Variants in DGKK observed in about 807,000 individuals in gnomAD.
DGKK encodes diacylglycerol kinase kappa, also known as 142 kDa diacylglycerol kinase.
DGKK carries 35 observed loss-of-function variants against 92.2 expected under a neutral mutation model. The observed-to-expected ratio is 0.38, with a 90% CI of 0.29 to 0.50. DGKK has a LOEUF of 0.50. Among genes scored for constraint, DGKK ranks in the 20% least tolerant of loss-of-function variants. The pLI is 0.92. For synonymous variants in DGKK, 368 were observed against 360.6 expected (o/e 1.02, Z -0.23); for missense variants, 910 against 992.2 (o/e 0.92, Z 1.11).
intron 22 of DGKK, 115 bp downstream of exon 22, chrX:50,377,983 T>G (rs782676342): frequency 9.0e-5 from 83 of 924,848 alleles, no homozygotes; most frequent in Non-Finnish European, 1.0e-4. Flanking sequence ...GTGACTCTGA[T>G]GCCAGGGGCA....
intron 4 of DGKK, among the ~76,000 whole-genome samples, chrX:50,417,313 T>A (rs1159826217): frequency 9.1e-6 from 1 of 110,215 alleles, no homozygotes; most frequent in Non-Finnish European, 1.9e-5. Context: ...TTTAGAGCTT[T>A]AGGAACATTA....
At chrX:50,413,231 C>T (rs1401126285) in intron 4 of DGKK, among the ~76,000 whole-genome samples, 10 of 111,372 alleles carry the variant, frequency 9.0e-5, no homozygotes, top group African/African-American at 2.9e-4. Flanking sequence ...AAAGACTTAA[C>T]TGTAAAAGCT....
chrX:50,465,275 T>C (rs782022307), intron 1 of DGKK, among the ~76,000 whole-genome samples: 10 of 110,951 alleles, frequency 9.0e-5, no homozygotes, highest in Non-Finnish European at 1.9e-4. Context: ...TTTTTTTTCT[T>C]AAAATAATTT....
intron 4 of DGKK, among the ~76,000 whole-genome samples, chrX:50,410,022 T>C (rs1925266706): frequency 8.9e-6 from 1 of 112,041 alleles, no homozygotes; most frequent in Admixed American, 9.4e-5. Context: ...GAAATAATGT[T>C]TGCCGTTTTA....
chrX:50,376,252 G>A (rs1172888834), intron 23 of DGKK, 87 bp from the exon 24 acceptor site: 1 of 1,002,254 alleles, frequency 1.0e-6, no homozygotes, highest in Non-Finnish European at 1.4e-6. Context: ...GGTAAGGGTA[G>A]AAGTGAAAGC....
chrX:50,388,934 G>A (rs1423591148), intron 12 of DGKK, among the ~76,000 whole-genome samples: 1 of 111,844 alleles, frequency 8.9e-6, no homozygotes, highest in Non-Finnish European at 1.9e-5. Context: ...GAATAAAGCT[G>A]GATTCGAATC....
intron 1 of DGKK, among the ~76,000 whole-genome samples, chrX:50,466,773 G>C (rs1283850065): frequency 9.0e-6 from 1 of 111,657 alleles, no homozygotes; most frequent in African/African-American, 3.3e-5. Flanking sequence ...ATAAAATATT[G>C]ATAGGAATCA....
intron 4 of DGKK, among the ~76,000 whole-genome samples, chrX:50,416,538 A>G (rs183012357): frequency 1.8e-5 from 2 of 112,360 alleles, no homozygotes; most frequent in East Asian, 2.8e-4. Context: ...GATGGCTTAC[A>G]TGATAAAATG....
chrX:50,408,626 G>A (rs1403409326), intron 4 of DGKK, among the ~76,000 whole-genome samples: 2 of 110,048 alleles, frequency 1.8e-5, no homozygotes, highest in African/African-American at 6.6e-5. Context: ...CTCGTGATCC[G>A]CCCGCCTCGG....
chrX:50,390,238 G>A (rs1924651706), intron 12 of DGKK, 90 bp downstream of exon 12: 2 of 846,819 alleles, frequency 2.4e-6, no homozygotes, highest in African/African-American at 2.0e-5. Flanking sequence ...CCTCATCCAT[G>A]CACAATGCAA....
chrX:50,404,082 G>C lies in DGKK; in HGVS notation c.1045C>G (p.Pro349Ala). 1.7e-6 allele frequency: 2 copies of C among 1,211,204 alleles called. No homozygotes were observed. The highest frequency in any genetic ancestry group is 2.2e-6 in the Non-Finnish European group (2 of 895,287). ...QHCNVCRESI[P>A]ALSRDAIICE... ...ATGATGGCATCTCTAGATAAGGCAGGAATGCTCTCTCGACAAACATTGCAG... is the reference window on the plus strand; with the variant it reads ...ATGATGGCATCTCTAGATAAGGCAGCAATGCTCTCTCGACAAACATTGCAG... Residue 349 changes from proline (P) to alanine (A), a missense_variant, in exon 5 of 28, where the codon CCT (proline) becomes GCT (alanine). Pro to Ala is a conservative substitution (Grantham distance 27, BLOSUM62 -1). Transcript: ENST00000611977.
At chrX:50,456,890 G>GAGGGATAT (rs1926624743) in intron 1 of DGKK, among the ~76,000 whole-genome samples, 8 of 111,808 alleles carry the variant, frequency 7.2e-5, no homozygotes, top group African/African-American at 2.3e-4. Context: ...TGGGTGTCTA[G>GAGGGATAT]CCCGGAGGGG....
chrX:50,384,789 T>G lies in DGKK; in HGVS notation c.2383A>C (p.Lys795Gln). The change falls in exon 16 of 28, where the codon AAG becomes CAG. Residue 795 changes from lysine (K) to glutamine (Q), a missense_variant. Coordinates refer to ENST00000611977, the MANE Select transcript of DGKK (RefSeq NM_001013742.4). ...DEESRQTISVKNFSSTFFLED... is the reference protein window; with the variant it reads ...DEESRQTISVQNFSSTFFLED... ...AGGAAGAAAGTTGAACTAAAGTTCT[T>G]AACAGATATTGTCTGTCTGCTTTCC... is the stretch of plus-strand genomic sequence containing the variant. 8.3e-7 allele frequency: 1 copy of G among 1,210,280 alleles called. No individual in the cohort carries two copies. The highest frequency in any genetic ancestry group is 1.1e-6 in the Non-Finnish European group (1 of 894,564).
rs1557224237 is a variant in DGKK at position 50,379,681 on chromosome X, G to A, written c.2808C>T (p.Asn936=). Reference sequence around the variant, plus strand: ...TGATACCTCCAGCATAGCTGGTAATGTTGAGCACTACAATGCCTTGCAGGT... The same window carrying A: ...TGATACCTCCAGCATAGCTGGTAATATTGAGCACTACAATGCCTTGCAGGT... ...LPNLQGIVVL[N]ITSYAGGINF... Residue 936 remains asparagine, a synonymous_variant, in exon 20 of 28, where the codon AAC becomes AAT. Transcript: ENST00000611977. 8.3e-7 allele frequency: 1 copy of A among 1,211,540 alleles called. No homozygotes were observed. Among genetic ancestry groups the A allele is most frequent in the Non-Finnish European group, 1.1e-6 (1 of 895,285 alleles).
At position 50,367,108 on chromosome X, in the gene DGKK, T is replaced by C. The variant is rs1923992578; in HGVS notation, c.*1832A>G. On this transcript the variant is annotated 3_prime_UTR_variant, in exon 28 of 28. Transcript: ENST00000611977. Reference sequence around the variant, plus strand: ...GGCTGGTTTAAGTGGGTTAGGCTGGTGGAGTTCCAGAGTTGAGAACCAGTG... The same window carrying C: ...GGCTGGTTTAAGTGGGTTAGGCTGGCGGAGTTCCAGAGTTGAGAACCAGTG... 2 of 111,771 alleles carry C rather than the reference T, an allele frequency of 1.8e-5. No individual in the cohort carries two copies. The highest frequency in any genetic ancestry group is 7.6e-4 in the South Asian group (2 of 2,628). The allele number at this position is 111,771 out of a possible 1,213,427, so 9.2% of individuals were successfully genotyped here.
In DGKK at chrX:50,370,413, G is replaced by C. The variant is rs782647091; in HGVS notation, c.3736+13C>G. 8.4e-7 allele frequency: 1 copy of C among 1,186,798 alleles called. No homozygotes were observed. Among genetic ancestry groups the C allele is most frequent in the South Asian group, 1.9e-5 (1 of 53,495 alleles). On this transcript the variant is annotated intron_variant, in intron 27 of 27. Transcript: ENST00000611977. ...AAGTCTTCATGACCCCTCTGCCTGT[G>C]GGGGAGACTTACCAATAAAACTCTG...
At chrX:50,464,907 CT>C (rs1343984393) in intron 1 of DGKK, among the ~76,000 whole-genome samples, 3 of 111,256 alleles carry the variant, frequency 2.7e-5, no homozygotes, top group African/African-American at 9.8e-5. Context: ...AAAAGAAACC[CT>C]GTACTCTTTA....
chrX:50,382,722 G>A, intron 17 of DGKK, 119 bp from the exon 18 acceptor site: 3 of 472,066 alleles, frequency 6.4e-6, no homozygotes, highest in South Asian at 7.7e-5. Flanking sequence ...CCTCCACACT[G>A]GGCACTAACT....
At position 50,392,428 on chromosome X, in the gene DGKK, A is replaced by G. The variant is rs782703650; in HGVS notation, c.1617T>C (p.Phe539=). ...CACAAACCAGAATGCGAAAGCGAGCAAAGTTCTTGAACATAGACAGCCTGG... is the reference window on the plus strand; with the variant it reads ...CACAAACCAGAATGCGAAAGCGAGCGAAGTTCTTGAACATAGACAGCCTGG... The part of the protein sequence containing the change: ...PEAGLSMFKN[F]ARFRILVCGG... The change falls in exon 10 of 28, where the codon TTT becomes TTC. Residue 539 remains phenylalanine, a synonymous_variant. Transcript: ENST00000611977. 2 of 1,211,083 alleles carry G rather than the reference A, an allele frequency of 1.7e-6. No individual in the cohort carries two copies. The highest frequency in any genetic ancestry group is 3.5e-5 in the South Asian group (2 of 56,991).
Sources: allele counts gnomAD v4.1 joint callset (sites outside exome capture counted in the v4.1 genomes callset), GRCh38; gene constraint gnomAD v4.1.1; transcripts MANE v1.5; gene names NCBI Gene and HGNC (gene_info 2026-07-23, HGNC 2026-07-21).